The following HNF1A variants were observed in gnomAD, a reference collection of about 807,000 sequenced individuals.
HNF1A encodes the protein HNF1 homeobox A.
Under a neutral mutation model 62.2 loss-of-function variants are expected in HNF1A, and 21 were observed. The observed-to-expected ratio is 0.34, with a 90% CI of 0.24 to 0.49. HNF1A has a LOEUF of 0.49. HNF1A is among the 20% of genes least tolerant of loss of function. HNF1A has a pLI of 0.99. For synonymous variants in HNF1A, 374 were observed against 366.8 expected, an observed-to-expected ratio of 1.02 and a Z score of -0.22; for missense variants, 687 against 832.3, an observed-to-expected ratio of 0.83 and a Z score of 2.15.
Position 120,996,455 on chromosome 12 carries a change from C to A in HNF1A, c.1107+42C>A. The A allele has an allele frequency of 5.0e-6, 8 of 1,613,958 alleles. No homozygotes were observed. The highest frequency in any genetic ancestry group is 6.8e-6 in the Non-Finnish European group (8 of 1,179,996). ...GTAAGGAAAACCCAACCTCATCTTT[C>A]CTTGGCAGGGAGATTCTGGAGCAGT... On this transcript the variant is annotated intron_variant, in intron 5 of 9. Coordinates refer to ENST00000257555, the MANE Select transcript of HNF1A (RefSeq NM_000545.8). This position sits in a 1 kb window ranked among gnomAD's most constrained non-coding sequence, Gnocchi z 4.5.
Position 120,996,172 on chromosome 12 carries a change from A to C in HNF1A, c.956-90A>C, listed in dbSNP as rs755693235. 1.0e-4 allele frequency: 157 copies of C among 1,521,582 alleles called. No homozygotes were observed. The highest frequency in any genetic ancestry group is 6.7e-4 in the Middle Eastern group (3 of 4,492). The allele number at this position is 1,521,582 out of a possible 1,614,324, so 94.3% of individuals were successfully genotyped here. A position where few individuals can be genotyped will look rare whatever the true frequency, so the allele number is the denominator to read the frequency against. ...GGCAGACAGGCAGCTGGCCTAAGCA[A>C]ACCAATGGAGTTTGAAGTGCTGAGG... On this transcript the variant is annotated intron_variant, in intron 4 of 9. Transcript: ENST00000257555. This position sits in a 1 kb window ranked among gnomAD's most constrained non-coding sequence, Gnocchi z 4.5.
In HNF1A at chr12:120,994,222, C is replaced by G. The variant is rs1186303503; in HGVS notation, c.772C>G (p.Leu258Val). Residue 258 changes from leucine (L) to valine (V), a missense_variant, in exon 4 of 10, where the codon CTC (leucine) becomes GTC (valine). Around this residue, in one of 5 missense-constraint regions of HNF1A, gnomAD observed 47 missense variants for 109.4 expected, o/e 0.43. Coordinates refer to ENST00000257555, the MANE Select transcript of HNF1A (RefSeq NM_000545.8). ...PSQAQGLGSN[L>V]VTEVRVYNWF... ...ACAGGCACAGGGGCTGGGCTCCAAC[C>G]TCGTCACGGAGGTGCGTGTCTACAA... 6.2e-7 allele frequency: 1 copy of G among 1,613,612 alleles called. No individual in the cohort carries two copies. Among genetic ancestry groups the G allele is most frequent in the Admixed American group, 1.7e-5 (1 of 59,912 alleles).
chr12:120,996,993 G>A lies in HNF1A; in HGVS notation c.1309+251G>A, dbSNP rs1450573066. ...CATCAATTCTGTGGTACCTCAGAAG[G>A]TGAAGGGTCTATGGGCAAATTACAG... On this transcript the variant is annotated intron_variant, in intron 6 of 9. Transcript: ENST00000257555. The surrounding 1 kb of genome is among the most constrained non-coding windows in gnomAD (Gnocchi z 4.5). 8 of 1,513,606 alleles carry A rather than the reference G, an allele frequency of 5.3e-6. No individual in the cohort carries two copies. The highest frequency in any genetic ancestry group is 7.1e-6 in the Non-Finnish European group (8 of 1,119,486). The allele number at this position is 1,513,606 out of a possible 1,614,324, so 93.8% of individuals were successfully genotyped here. A position where few individuals can be genotyped will look rare whatever the true frequency, so the allele number is the denominator to read the frequency against.
chr12:120,984,267 T>C (rs1409466241), intron 1 of HNF1A, among the ~76,000 whole-genome samples: 1 of 152,144 alleles, frequency 6.6e-6, no homozygotes, highest in Non-Finnish European at 1.5e-5. Context: ...GTTGCACATG[T>C]ATTTGTGCAG....
chr12:120,989,008 C>T lies in HNF1A; in HGVS notation c.502C>T (p.Arg168Cys), dbSNP rs764434453. The T allele has an allele frequency of 9.3e-6, 15 of 1,614,068 alleles. No individual in the cohort carries two copies. Among genetic ancestry groups the T allele is most frequent in the Admixed American group, 3.3e-5 (2 of 60,000 alleles). The stretch of plus-strand genomic sequence containing the variant: ...GGCCGCCCTGTACACCTGGTACGTC[C>T]GCAAGCAGCGAGAGGTGGCGCAGCG... ...KRAALYTWYV[R>C]KQREVAQQFT... is the part of the protein sequence containing the mutation. The change falls in exon 2 of 10, where the codon CGC becomes TGC. Residue 168 changes from arginine to cysteine, a missense_variant. Around this residue, in one of 5 missense-constraint regions of HNF1A, gnomAD observed 47 missense variants for 52.5 expected, o/e 0.90. Coordinates refer to ENST00000257555, the MANE Select transcript of HNF1A (RefSeq NM_000545.8).
At chr12:120,985,137 G>A (rs1313016923) in intron 1 of HNF1A, among the ~76,000 whole-genome samples, 3 of 151,664 alleles carry the variant, frequency 2.0e-5, no homozygotes, top group Non-Finnish European at 2.9e-5. Context: ...GTAGAAACAG[G>A]GTCCCACTAT....
intron 1 of HNF1A, among the ~76,000 whole-genome samples, chr12:120,983,538 TTTTC>T (rs918168470): frequency 9.9e-5 from 15 of 151,188 alleles, no homozygotes; most frequent in Middle Eastern, 3.4e-3. Flanking sequence ...GTTCTTTCCT[TTTTC>T]TTTCTTTCTT....
At chr12:120,986,720 C>T (rs1419585902) in intron 1 of HNF1A, among the ~76,000 whole-genome samples, 1 of 152,198 alleles carries the variant, frequency 6.6e-6, no homozygotes, top group Non-Finnish European at 1.5e-5. Flanking sequence ...GCCGGGATTA[C>T]AGGCACCTGC....
chr12:120,982,460 A>G (rs7979478), intron 1 of HNF1A, among the ~76,000 whole-genome samples: 88,000 of 151,124 alleles, frequency 0.58, 25,660 homozygotes, highest in Non-Finnish European at 0.61. Context: ...CCACGGCAGG[A>G]GGGGGGGGGG....
Position 121,002,094 on chromosome 12 carries a change from G to A in HNF1A, c.*902G>A, listed in dbSNP as rs758341397. On this transcript the variant is annotated 3_prime_UTR_variant, in exon 10 of 10. Coordinates refer to ENST00000257555, the MANE Select transcript of HNF1A (RefSeq NM_000545.8). ...GACCCTGCCCTTGTTTGGGGCAGGA[G>A]TAGCTGAGCTCACAAGGCAGCAAGG... 2 of 534,986 alleles carry A rather than the reference G, an allele frequency of 3.7e-6. No homozygotes were observed. Among genetic ancestry groups the A allele is most frequent in the South Asian group, 3.1e-5 (2 of 65,056 alleles). The allele number at this position is 534,986 out of a possible 1,614,324, so 33.1% of individuals were successfully genotyped here. A position where few individuals can be genotyped will look rare whatever the true frequency, so the allele number is the denominator to read the frequency against.
rs1310984939 is a variant in HNF1A, at chr12:121,002,142, G to T, written c.*950G>T. The T allele has an allele frequency of 5.8e-6, 3 of 517,318 alleles. No homozygotes were observed. Among genetic ancestry groups the T allele is most frequent in the Non-Finnish European group, 1.1e-5 (3 of 267,480 alleles). 32.0% of individuals were successfully genotyped at this position (517,318 alleles called of 1,614,324 possible). ...AGGCCCGAGCAGCTGAGCAGGGCCG[G>T]GGAACTGGCCAAGCTGAGGTGCCCA... On this transcript the variant is annotated 3_prime_UTR_variant, in exon 10 of 10. Coordinates refer to ENST00000257555, the MANE Select transcript of HNF1A (RefSeq NM_000545.8).
At position 120,996,047 on chromosome 12, in the gene HNF1A, G is replaced by T. The variant is rs1033384904; in HGVS notation, c.956-215G>T. ...TATAGCACTAGGCAGTGGGAGGAAT[G>T]GAGCTAATAAATGCAGTCCCAGCCT... is the stretch of plus-strand genomic sequence containing the variant. On this transcript the variant is annotated intron_variant, in intron 4 of 9. Transcript: ENST00000257555. This position sits in a 1 kb window ranked among gnomAD's most constrained non-coding sequence, Gnocchi z 4.5. Among the ~76,000 whole-genome samples the T allele has an allele frequency of 1.3e-5, 2 of 152,208 alleles. No homozygotes were observed. The highest frequency in any genetic ancestry group is 4.8e-5 in the African/African-American group (2 of 41,448).
rs1435792094 is a variant in HNF1A at position 120,991,448 on chromosome 12, G to A, written c.527-2072G>A. Among the ~76,000 whole-genome samples, 5 of 152,212 alleles carry A rather than the reference G, an allele frequency of 3.3e-5. No homozygotes were observed. The East Asian group carries it at 9.6e-4, about 29-fold the overall frequency. ...ATCTTAACTAAAAATACAAAAATTA[G>A]CTGGACATAGTGGCGCATGCCTGTA... On this transcript the variant is annotated intron_variant, in intron 2 of 9. Coordinates refer to ENST00000257555, the MANE Select transcript of HNF1A (RefSeq NM_000545.8).
chr12:120,999,924 G>A (rs961701247), intron 9 of HNF1A, among the ~76,000 whole-genome samples: 1 of 152,248 alleles, frequency 6.6e-6, no homozygotes, highest in Non-Finnish European at 1.5e-5. Flanking sequence ...CCAGGTCTGT[G>A]AGCCAGAAGC....
intron 6 of HNF1A, 125 bp from the exon 7 acceptor site, chr12:120,997,349 T>C: frequency 7.5e-7 from 1 of 1,338,042 alleles, no homozygotes; most frequent in Non-Finnish European, 9.9e-7. Context: ...GGCTGTTTCC[T>C]GACCACCCTG....
rs1876932587 is a variant in HNF1A at position 120,993,565 on chromosome 12, G to A, written c.572G>A (p.Gly191Asp). Residue 191 changes from glycine (G) to aspartate (D), a missense_variant, in exon 3 of 10, where the codon GGT (glycine) becomes GAT (aspartate). Around this residue, in one of 5 missense-constraint regions of HNF1A, gnomAD observed 47 missense variants for 52.5 expected, o/e 0.90. Transcript: ENST00000257555. ...GQGGLIEEPTGDELPTKKGRR... is the reference protein window; with the variant it reads ...GQGGLIEEPTDDELPTKKGRR... ...GGAGGGCTGATTGAAGAGCCCACAG[G>A]TGATGAGCTACCAACCAAGAAGGGG... 3.1e-6 allele frequency: 5 copies of A among 1,614,178 alleles called. No individual in the cohort carries two copies. In the East Asian group the frequency reaches 1.1e-4, roughly 36 times the overall value.
chr12:120,999,757 A>C lies in HNF1A; in HGVS notation c.1768+130A>C, dbSNP rs565322162. On this transcript the variant is annotated intron_variant, in intron 9 of 9. Coordinates refer to ENST00000257555, the MANE Select transcript of HNF1A (RefSeq NM_000545.8). ...AGGCCTAGGGCTGCTGTGAGGAAGC[A>C]CTGGCAGGCGTGGAGGGGTGGGGTG... 7.2e-6 allele frequency: 9 copies of C among 1,247,436 alleles called. No homozygotes were observed. In the South Asian group the frequency reaches 1.4e-4, roughly 19 times the overall value. The allele number at this position is 1,247,436 out of a possible 1,614,324, so 77.3% of individuals were successfully genotyped here. A position where few individuals can be genotyped will look rare whatever the true frequency, so the allele number is the denominator to read the frequency against.
In HNF1A at chr12:120,999,621, C is replaced by T. The variant is rs1029590003; in HGVS notation, c.1762C>T (p.Pro588Ser). 2.5e-6 allele frequency: 4 copies of T among 1,610,158 alleles called. No homozygotes were observed. The highest frequency in any genetic ancestry group is 2.5e-6 in the Non-Finnish European group (3 of 1,179,264). ...LQPAHRLSAS[P>S]TVSSSSLVLY... Reference sequence around the variant, plus strand: ...GCCGGCCCACCGGCTCAGCGCCAGCCCCACAGGTGAGAGGCCCTGGCTCCA... The same window carrying T: ...GCCGGCCCACCGGCTCAGCGCCAGCTCCACAGGTGAGAGGCCCTGGCTCCA... The change falls in exon 9 of 10, where the codon CCC becomes TCC. Residue 588 changes from proline to serine, a missense_variant. Coordinates refer to ENST00000257555, the MANE Select transcript of HNF1A (RefSeq NM_000545.8).
rs1047425321 is a variant in HNF1A, at chr12:120,978,714, G to C, written c.-55G>C. On this transcript the variant is annotated 5_prime_UTR_variant, in exon 1 of 10. Transcript: ENST00000257555. ...GCAGGCAAACGCAACCCACGCGGTG[G>C]GGGAGGCGGCTAGCGTGGTGGACCC... 3 of 1,546,144 alleles carry C rather than the reference G, an allele frequency of 1.9e-6. No individual in the cohort carries two copies. The highest frequency in any genetic ancestry group is 1.1e-5 in the South Asian group (1 of 89,506).
Sources: gnomAD v4.1 joint callset for allele counts (sites outside exome capture counted in the v4.1 genomes callset) on GRCh38, gnomAD v4.1.1 for gene constraint, gnomAD v4.1.1 regional missense constraint, Gnocchi (gnomAD v3.1) non-coding constraint, MANE v1.5 for transcripts, NCBI Gene and HGNC (gene_info 2026-07-23, HGNC 2026-07-21) for gene names.